Variants in ATP2B2 observed in about 807,000 individuals in gnomAD.
The protein encoded by ATP2B2 is ATPase plasma membrane Ca2+ transporting 2.
A neutral mutation model predicts 120.0 loss-of-function variants in ATP2B2; 15 were observed. That is an observed-to-expected ratio of 0.12 (90% confidence interval 0.08 to 0.19). The LOEUF (loss-of-function observed/expected upper bound fraction) is 0.19. Among genes scored for constraint, ATP2B2 ranks in the 10% least tolerant of loss-of-function variants. The probability of loss-of-function intolerance (pLI) is 1.00; values close to 1 mark genes in which losing one functional copy is unlikely to be tolerated. For missense variants in ATP2B2, 1,045 were observed against 1,719.8 expected, an observed-to-expected ratio of 0.61 and a Z score of 6.94; for synonymous variants, 694 against 700.3, an observed-to-expected ratio of 0.99 and a Z score of 0.14.
Position 10,375,536 on chromosome 3 carries a change from A to G in ATP2B2, c.1310T>C (p.Val437Ala). 6.2e-7 allele frequency: 1 copy of G among 1,613,720 alleles called. No individual in the cohort carries two copies. The highest frequency in any genetic ancestry group is 8.5e-7 in the Non-Finnish European group (1 of 1,180,012). The change falls in exon 11 of 23, where the codon GTG (valine) becomes GCG (alanine). Residue 437 changes from valine to alanine, a missense_variant. By Grantham distance (64) the Val-to-Ala change is moderately conservative (BLOSUM62 0). Coordinates refer to ENST00000360273, the MANE Select transcript of ATP2B2 (RefSeq NM_001001331.4). The surrounding 1 kb of genome is among the most constrained non-coding windows in gnomAD (Gnocchi z 4.2). ...GATGAAGAACTTGACAAAGTACTGC[A>G]CGTAGACGGGCGTGCACTCAGGCAG... ...PWLPECTPVY[V>A]QYFVKFFIIG...
intron 2 of ATP2B2, among the ~76,000 whole-genome samples, chr3:10,534,885 A>G (rs1575469543): frequency 8.3e-6 from 1 of 120,068 alleles, no homozygotes; most frequent in Non-Finnish European, 1.8e-5. Flanking sequence ...CAATCCATTT[A>G]TTCATTTATT....
chr3:10,532,142 T>TA (rs1468070389), intron 3 of ATP2B2, among the ~76,000 whole-genome samples: 4 of 152,174 alleles, frequency 2.6e-5, no homozygotes, highest in Non-Finnish European at 5.9e-5. Context: ...ACATAGATTG[T>TA]AATTCAAACT....
intron 1 of ATP2B2, among the ~76,000 whole-genome samples, chr3:10,664,376 T>C (rs181961379): frequency 6.6e-6 from 1 of 152,080 alleles, no homozygotes; most frequent in Non-Finnish European, 1.5e-5. Flanking sequence ...CTGCACCACA[T>C]ACCCCCTCTC....
chr3:10,396,206 C>T (rs998421561), intron 5 of ATP2B2, among the ~76,000 whole-genome samples: 2 of 152,248 alleles, frequency 1.3e-5, no homozygotes, highest in Admixed American at 6.5e-5. Flanking sequence ...CACCATACAG[C>T]ACCTCACAAC....
chr3:10,365,139 G>C (rs79644612), intron 12 of ATP2B2, among the ~76,000 whole-genome samples: 1,976 of 152,370 alleles, frequency 0.013, 40 homozygotes, highest in African/African-American at 0.045. Context: ...AGCCGAAGCA[G>C]GGGGTCTGGG....
chr3:10,610,167 AAT>A (rs2069193636), intron 2 of ATP2B2, among the ~76,000 whole-genome samples: 1 of 150,778 alleles, frequency 6.6e-6, no homozygotes, highest in African/African-American at 2.4e-5. Context: ...GACAGGAAAA[AAT>A]ATATATCGTG....
chr3:10,695,003 CA>C (rs1559525419), intron 1 of ATP2B2, among the ~76,000 whole-genome samples: 1 of 152,030 alleles, frequency 6.6e-6, no homozygotes, highest in Non-Finnish European at 1.5e-5. Context: ...TCTATGTCCC[CA>C]CTCTTTGAAT....
At chr3:10,695,090 C>G (rs2071722203) in intron 1 of ATP2B2, among the ~76,000 whole-genome samples, 2 of 152,072 alleles carry the variant, frequency 1.3e-5, no homozygotes, top group African/African-American at 2.4e-5. Context: ...TGTTTTCATG[C>G]TGCCGATAAA....
chr3:10,585,493 G>GGAAAAAAAAAAAAAAAAAA (rs1250583445), intron 2 of ATP2B2, among the ~76,000 whole-genome samples: 1 of 28,510 alleles, frequency 3.5e-5, no homozygotes, highest in African/African-American at 1.6e-4. Flanking sequence ...GACTCCGTCT[G>GGAAAAAAAAAAAAAAAAAA]AAAAAAAAAA....
At chr3:10,442,907 C>T (rs1237840007) in intron 2 of ATP2B2, among the ~76,000 whole-genome samples, 2 of 152,186 alleles carry the variant, frequency 1.3e-5, no homozygotes. Context: ...CTGTTATGAC[C>T]TCATGTTACA....
chr3:10,412,396 C>T (rs891595785), intron 2 of ATP2B2, among the ~76,000 whole-genome samples: 23 of 152,214 alleles, frequency 1.5e-4, no homozygotes, highest in African/African-American at 4.6e-4. Context: ...CCTCAGAGGC[C>T]GGTGCTTCTC....
intron 3 of ATP2B2, among the ~76,000 whole-genome samples, chr3:10,406,687 T>C (rs976285163): frequency 6.6e-6 from 1 of 152,204 alleles, no homozygotes; most frequent in African/African-American, 2.4e-5. Flanking sequence ...CATGTCCCTG[T>C]CGTTAAGCGA....
chr3:10,565,165 A>T (rs1462918588), intron 2 of ATP2B2, among the ~76,000 whole-genome samples: 1 of 152,194 alleles, frequency 6.6e-6, no homozygotes, highest in Non-Finnish European at 1.5e-5. Flanking sequence ...ACCTGGGTCA[A>T]TGCATGACCT....
At chr3:10,498,352 C>T (rs1411420950) in intron 1 of ATP2B2, among the ~76,000 whole-genome samples, 6 of 152,272 alleles carry the variant, frequency 3.9e-5, no homozygotes, top group Non-Finnish European at 7.3e-5. Context: ...GGATGGCGTG[C>T]CCTGCCCATG....
At chr3:10,332,178 T>G (rs1312999782) in intron 22 of ATP2B2, 2 of 738,804 alleles carry the variant, frequency 2.7e-6, no homozygotes, top group African/African-American at 3.5e-5. Context: ...TTTCTTCCCT[T>G]TTTGTTGTCT....
At chr3:10,524,046 G>A (rs1044186842) in intron 3 of ATP2B2, among the ~76,000 whole-genome samples, 3 of 152,172 alleles carry the variant, frequency 2.0e-5, no homozygotes, top group East Asian at 1.9e-4. Flanking sequence ...TTAAAATATC[G>A]TGAGCATTGC....
intron 1 of ATP2B2, among the ~76,000 whole-genome samples, chr3:10,497,352 G>A (rs1008207188): frequency 6.6e-6 from 1 of 152,220 alleles, no homozygotes; most frequent in African/African-American, 2.4e-5. Context: ...CTGGGAGCTG[G>A]CTGTGTGATC....
intron 2 of ATP2B2, among the ~76,000 whole-genome samples, chr3:10,428,177 A>G (rs1294520847): frequency 1.3e-5 from 2 of 152,168 alleles, no homozygotes; most frequent in Admixed American, 1.3e-4. Context: ...CCATCTGAAA[A>G]AAGGGGATTA....
At chr3:10,419,788 C>A (rs1024391055) in intron 2 of ATP2B2, among the ~76,000 whole-genome samples, 7 of 152,238 alleles carry the variant, frequency 4.6e-5, no homozygotes, top group Non-Finnish European at 2.9e-5. Flanking sequence ...TCAGCGGCCA[C>A]CCTGCCCTGT....
Sources: allele counts gnomAD v4.1 joint callset (sites outside exome capture counted in the v4.1 genomes callset), GRCh38; gene constraint gnomAD v4.1.1; non-coding constraint Gnocchi (gnomAD v3.1); transcripts MANE v1.5; gene names NCBI Gene and HGNC (gene_info 2026-07-23, HGNC 2026-07-21).